Variants in XXYLT1 observed in about 807,000 individuals in gnomAD.
The protein encoded by XXYLT1 is xyloside xylosyltransferase 1.
Under a neutral mutation model 28.9 loss-of-function variants are expected in XXYLT1, and 20 were observed. The ratio of observed to expected loss-of-function variants is 0.69; its 90% CI spans 0.49 to 1.00. The LOEUF is 1.00. Ranked by LOEUF, XXYLT1 falls within the 50% of genes least tolerant of loss-of-function variation. The pLI, the probability that XXYLT1 is intolerant of heterozygous loss-of-function variation, is 0.00. For missense variants in XXYLT1, 542 were observed against 560.1 expected, an observed-to-expected ratio of 0.97 and a Z score of 0.33; for synonymous variants, 257 against 253.8, an observed-to-expected ratio of 1.01 and a Z score of -0.12.
intron 2 of XXYLT1, among the ~76,000 whole-genome samples, chr3:195,202,014 T>C (rs1239230777): frequency 6.6e-6 from 1 of 152,070 alleles, no homozygotes; most frequent in East Asian, 1.9e-4. Flanking sequence ...CCGTCTCTAC[T>C]AAAAATACAA....
rs368713581 is a variant in XXYLT1, at chr3:195,232,822, C to T, written c.505-5966G>A. Among the ~76,000 whole-genome samples, 19 of 152,270 alleles carry T rather than the reference C, an allele frequency of 1.2e-4. 1 individual carries two copies. Among genetic ancestry groups the T allele is most frequent in the African/African-American group, 4.1e-4 (17 of 41,538 alleles). ...CATATGGTCTATCCTTGAGAATGAT[C>T]CATGTGCTGAGCAGAAGAATGTGTA... On this transcript the variant is annotated intron_variant, in intron 1 of 3. Transcript: ENST00000310380.
At chr3:195,239,463 T>C (rs1724690060) in intron 1 of XXYLT1, among the ~76,000 whole-genome samples, 1 of 152,092 alleles carries the variant, frequency 6.6e-6, no homozygotes, top group African/African-American at 2.4e-5. Flanking sequence ...ACATACAACC[T>C]GGGAAACCAG....
intron 3 of XXYLT1, among the ~76,000 whole-genome samples, chr3:195,109,451 G>A (rs55947243): frequency 0.68 from 95,189 of 139,374 alleles, 33,041 homozygotes; most frequent in Middle Eastern, 0.73. Flanking sequence ...TGTGGTATAT[G>A]TGTGCGTGTA....
At position 195,257,927 on chromosome 3, in the gene XXYLT1, G is replaced by A. The variant is rs1236011873; in HGVS notation, c.504+12628C>T. ...CAGCCAGCCTCTCCATCCTCACAAA[G>A]CAGCCCCGGCACACCCACAATCCTC... On this transcript the variant is annotated intron_variant, in intron 1 of 3. Coordinates refer to ENST00000310380, the MANE Select transcript of XXYLT1 (RefSeq NM_152531.5). The surrounding 1 kb of genome is among the most constrained non-coding windows in gnomAD (Gnocchi z 4.3). Among the ~76,000 whole-genome samples, 1 of 152,032 alleles carries A rather than the reference G, an allele frequency of 6.6e-6. No individual in the cohort carries two copies. Among genetic ancestry groups the A allele is most frequent in the Non-Finnish European group, 1.5e-5 (1 of 67,998 alleles).
chr3:195,138,282 G>A (rs1485106404), intron 3 of XXYLT1, among the ~76,000 whole-genome samples: 1 of 152,192 alleles, frequency 6.6e-6, no homozygotes, highest in African/African-American at 2.4e-5. Context: ...TAATTAGAGA[G>A]CTGGACACTG....
Position 195,173,870 on chromosome 3 carries a change from G to T in XXYLT1, c.653-17289C>A, listed in dbSNP as rs1721531914. Reference sequence around the variant, plus strand: ...CCTCATTTCCCTGACAGGAATTGTGGAGATGTCATTGCTGGGGTCTTCCCC... The same window carrying T: ...CCTCATTTCCCTGACAGGAATTGTGTAGATGTCATTGCTGGGGTCTTCCCC... On this transcript the variant is annotated intron_variant, in intron 2 of 3. Transcript: ENST00000310380. The surrounding 1 kb of genome is among the most constrained non-coding windows in gnomAD (Gnocchi z 4.3). Among the ~76,000 whole-genome samples the T allele has an allele frequency of 6.6e-6, 1 of 152,232 alleles. No individual in the cohort carries two copies. Among genetic ancestry groups the T allele is most frequent in the Non-Finnish European group, 1.5e-5 (1 of 68,042 alleles).
At chr3:195,086,471 A>G (rs1481215609) in intron 3 of XXYLT1, among the ~76,000 whole-genome samples, 1 of 152,200 alleles carries the variant, frequency 6.6e-6, no homozygotes. Context: ...ACAGACCTGT[A>G]GGGGAGAAGT....
rs1003051096 is a variant in XXYLT1, at chr3:195,101,206, C to T, written c.786-31095G>A. On this transcript the variant is annotated intron_variant, in intron 3 of 3. Coordinates refer to ENST00000310380, the MANE Select transcript of XXYLT1 (RefSeq NM_152531.5). ...TCTTGCCAGTGCTATGCCGTCCTTA[C>T]GGCGCTTGGGCAGGTACCCCCAGCT... Among the ~76,000 whole-genome samples the T allele has an allele frequency of 3.3e-5, 5 of 152,260 alleles. No homozygotes were observed. The East Asian group carries it at 5.8e-4, about 18-fold the overall frequency.
In XXYLT1 at chr3:195,209,270, TC is replaced by T; in HGVS notation, c.652+17438del. 6.6e-6 allele frequency: 1 copy of T among 152,396 alleles called. No individual in the cohort carries two copies. 9.4% of individuals were successfully genotyped at this position (152,396 alleles called of 1,614,324 possible). A position where few individuals can be genotyped will look rare whatever the true frequency, so the allele number is the denominator to read the frequency against. On this transcript the variant is annotated intron_variant, in intron 2 of 3. Coordinates refer to ENST00000310380, the MANE Select transcript of XXYLT1 (RefSeq NM_152531.5). The surrounding 1 kb of genome is among the most constrained non-coding windows in gnomAD (Gnocchi z 5.0). The stretch of plus-strand genomic sequence containing the variant: ...TAAGGCAGAGGAGACCTACGCCAGG[TC>T]CCCGGAGACAAGCCGCTCTCAAACT...
intron 2 of XXYLT1, chr3:195,207,415 T>G (rs1384301458): frequency 4.4e-6 from 2 of 454,886 alleles, no homozygotes; most frequent in African/African-American, 4.0e-5. Context: ...AGTGACTTTA[T>G]TCTACTCACC....
chr3:195,095,932 C>G (rs1210123832), intron 3 of XXYLT1: 1 of 152,192 alleles, frequency 6.6e-6, no homozygotes, highest in Non-Finnish European at 1.5e-5. Context: ...CACAGGAACT[C>G]AAGCAGCTTC....
chr3:195,226,451 G>A lies in XXYLT1; in HGVS notation c.652+258C>T, dbSNP rs996492897. ...GGAAAGAAGGGGGCGAGTGCAAGGG[G>A]CAGAGTCCAGACCAGAGCCCAGAGA... On this transcript the variant is annotated intron_variant, in intron 2 of 3. Coordinates refer to ENST00000310380, the MANE Select transcript of XXYLT1 (RefSeq NM_152531.5). Among the ~76,000 whole-genome samples the A allele has an allele frequency of 2.0e-5, 3 of 152,074 alleles. No individual in the cohort carries two copies. In the East Asian group the frequency reaches 5.8e-4, roughly 29 times the overall value.
At chr3:195,160,543 C>T (rs1248561346) in intron 2 of XXYLT1, among the ~76,000 whole-genome samples, 1 of 152,206 alleles carries the variant, frequency 6.6e-6, no homozygotes, top group East Asian at 1.9e-4. Flanking sequence ...CCATTGTCCA[C>T]TTTGAAATAT....
chr3:195,213,414 G>A (rs112578748), intron 2 of XXYLT1, among the ~76,000 whole-genome samples: 6 of 152,014 alleles, frequency 3.9e-5, no homozygotes, highest in Non-Finnish European at 7.4e-5. Flanking sequence ...ACAGGCATGC[G>A]CCACCATGCC....
chr3:195,243,773 G>A (rs1030677243), intron 1 of XXYLT1, among the ~76,000 whole-genome samples: 2 of 152,182 alleles, frequency 1.3e-5, no homozygotes, highest in African/African-American at 4.8e-5. Flanking sequence ...CATAATGGAC[G>A]TGCAGTTTTT....
chr3:195,088,079 A>C (rs895274503), intron 3 of XXYLT1, among the ~76,000 whole-genome samples: 9 of 152,012 alleles, frequency 5.9e-5, no homozygotes, highest in Non-Finnish European at 8.8e-5. Flanking sequence ...GTCTGAGATC[A>C]AACTGCAAGG....
intron 1 of XXYLT1, among the ~76,000 whole-genome samples, chr3:195,227,099 T>C (rs1381488833): frequency 6.6e-6 from 1 of 152,108 alleles, no homozygotes; most frequent in East Asian, 1.9e-4. Flanking sequence ...CAGGCATGCA[T>C]GTACGGGCTG....
At chr3:195,080,483 T>C (rs1440340567) in intron 3 of XXYLT1, among the ~76,000 whole-genome samples, 5 of 135,008 alleles carry the variant, frequency 3.7e-5, no homozygotes, top group African/African-American at 8.2e-5. Flanking sequence ...CTGGCCCAGC[T>C]GGGCAGCCAG....
At chr3:195,248,764 A>G (rs1201101261) in intron 1 of XXYLT1, among the ~76,000 whole-genome samples, 3 of 152,188 alleles carry the variant, frequency 2.0e-5, no homozygotes. Flanking sequence ...CTAAGAAAAT[A>G]CAAAAATTAG....
Sources: gnomAD v4.1 joint callset for allele counts (sites outside exome capture counted in the v4.1 genomes callset) on GRCh38, gnomAD v4.1.1 for gene constraint, Gnocchi (gnomAD v3.1) non-coding constraint, MANE v1.5 for transcripts, NCBI Gene and HGNC (gene_info 2026-07-23, HGNC 2026-07-21) for gene names.